The following UBASH3A variants were observed in gnomAD, a reference collection of about 807,000 sequenced individuals.
The protein encoded by UBASH3A is ubiquitin associated and SH3 domain containing A.
UBASH3A carries 63 observed loss-of-function variants against 73.5 expected under a neutral mutation model. That is an observed-to-expected ratio of 0.86 (90% CI 0.70 to 1.06). UBASH3A has a LOEUF of 1.06. UBASH3A is among the 50% of genes least tolerant of loss of function. The pLI is 0.00. For synonymous variants in UBASH3A, 363 were observed against 351.1 expected (o/e 1.03, Z -0.38); for missense variants, 860 against 859.0 (o/e 1.00, Z -0.02).
chr21:42,410,007 C>T (rs1439675788), intron 3 of UBASH3A: 4 of 693,822 alleles, frequency 5.8e-6, no homozygotes, highest in Non-Finnish European at 1.1e-5. Context: ...CCCCCAGAAA[C>T]TAGCACAGCC....
chr21:42,421,161 A>G (rs2053331505), intron 7 of UBASH3A, among the ~76,000 whole-genome samples: 1 of 152,256 alleles, frequency 6.6e-6, no homozygotes, highest in African/African-American at 2.4e-5. Flanking sequence ...GAGAGCAGGC[A>G]GAGGTCAGAG....
Position 42,447,380 on chromosome 21 carries a change from A to G in UBASH3A, c.*186A>G, listed in dbSNP as rs760804945. On this transcript the variant is annotated 3_prime_UTR_variant, in exon 15 of 15. Coordinates refer to ENST00000319294, the MANE Select transcript of UBASH3A (RefSeq NM_018961.4). ...TCGCCTTTGTAACTCCCATCTGTGG[A>G]CCCATCGTCCACCAGCCCAGCTGCG... 6 of 627,076 alleles carry G rather than the reference A, an allele frequency of 9.6e-6. No individual in the cohort carries two copies. Among genetic ancestry groups the G allele is most frequent in the Non-Finnish European group, 1.6e-5 (6 of 385,504 alleles). The allele number at this position is 627,076 out of a possible 1,614,324, so 38.8% of individuals were successfully genotyped here. A position where few individuals can be genotyped will look rare whatever the true frequency, so the allele number is the denominator to read the frequency against.
At chr21:42,407,912 A>G (rs2053011079) in intron 2 of UBASH3A, among the ~76,000 whole-genome samples, 1 of 152,288 alleles carries the variant, frequency 6.6e-6, no homozygotes, top group African/African-American at 2.4e-5. Context: ...ACTATTACAC[A>G]GCCTTTAACA....
intron 2 of UBASH3A, among the ~76,000 whole-genome samples, chr21:42,408,816 G>T (rs748135792): frequency 2.4e-4 from 36 of 151,314 alleles, no homozygotes; most frequent in Non-Finnish European, 4.0e-4. Flanking sequence ...CGGAGAGGTG[G>T]AGGTTGCAGT....
chr21:42,437,490 G>C lies in UBASH3A; in HGVS notation c.1396G>C (p.Asp466His). The C allele has an allele frequency of 6.2e-7, 1 of 1,614,124 alleles. No individual in the cohort carries two copies. The change falls in exon 11 of 15, where the codon GAC (aspartate) becomes CAC (histidine). Residue 466 changes from aspartate (D) to histidine (H), a missense_variant and splice_region_variant. Transcript: ENST00000319294. ...CGIFQSRIAG[D>H]ALLDSGIRIS... is the part of the protein sequence containing the mutation. The stretch of plus-strand genomic sequence containing the variant: ...CTGCCTTTTTCACTATTTTCCAGGG[G>C]ACGCGCTACTGGACAGTGGTATCAG...
intron 10 of UBASH3A, 28 bp downstream of exon 10, chr21:42,434,982 A>C: frequency 6.2e-7 from 1 of 1,612,200 alleles, no homozygotes; most frequent in Non-Finnish European, 8.5e-7. Context: ...CTAGTAGGAA[A>C]GGTAACAATA....
At chr21:42,436,863 G>A (rs1025587985) in intron 10 of UBASH3A, among the ~76,000 whole-genome samples, 5 of 152,196 alleles carry the variant, frequency 3.3e-5, no homozygotes, top group Non-Finnish European at 2.9e-5. Context: ...GTGAAGCCCC[G>A]CCCATTTCTG....
intron 11 of UBASH3A, among the ~76,000 whole-genome samples, chr21:42,438,742 C>G (rs910228154): frequency 6.6e-6 from 1 of 152,026 alleles, no homozygotes. Context: ...TCAAGGTCCA[C>G]GAGGGGGCTG....
intron 13 of UBASH3A, among the ~76,000 whole-genome samples, chr21:42,444,281 G>T (rs373357955): frequency 1.3e-5 from 2 of 152,248 alleles, no homozygotes; most frequent in African/African-American, 2.4e-5. Flanking sequence ...GCGACCACAG[G>T]GGGTGGCTCA....
chr21:42,419,622 G>C (rs557641364), intron 7 of UBASH3A, among the ~76,000 whole-genome samples: 2 of 152,158 alleles, frequency 1.3e-5, no homozygotes, highest in African/African-American at 4.8e-5. Context: ...TTTCTCTGCT[G>C]TGCTACTCAA....
At position 42,442,490 on chromosome 21, in the gene UBASH3A, C is replaced by T. The variant is rs1201364111; in HGVS notation, c.1525C>T (p.Pro509Ser). Residue 509 changes from proline to serine, a missense_variant, in exon 12 of 15, where the codon CCT becomes TCT. Transcript: ENST00000319294. ...GAAAAAAATCAAGATACGAGTGGAA[C>T]CTGGAATCTTTGAATGGACAAAATG... ...LEKKIKIRVE[P>S]GIFEWTKWEA... is the part of the protein sequence containing the mutation. 6.2e-7 allele frequency: 1 copy of T among 1,614,010 alleles called. No homozygotes were observed. Among genetic ancestry groups the T allele is most frequent in the African/African-American group, 1.3e-5 (1 of 74,988 alleles).
intron 8 of UBASH3A, among the ~76,000 whole-genome samples, chr21:42,427,131 G>A (rs952804391): frequency 2.6e-5 from 4 of 152,128 alleles, no homozygotes; most frequent in East Asian, 3.9e-4. Context: ...TCCCCAAGAC[G>A]TCACCTGCCC....
intron 7 of UBASH3A, 83 bp downstream of exon 7, chr21:42,418,692 T>C (rs2053273651): frequency 1.5e-6 from 2 of 1,304,666 alleles, no homozygotes; most frequent in Non-Finnish European, 2.1e-6. Context: ...AGTGTGCTTC[T>C]AGACCATTCC....
intron 3 of UBASH3A, chr21:42,410,428 G>A (rs1450609730): frequency 2.1e-5 from 11 of 523,824 alleles, no homozygotes; most frequent in Admixed American, 1.4e-4. Flanking sequence ...CCAACACCAG[G>A]CCCCTCGGTG....
At chr21:42,417,095 G>A (rs1163661314) in intron 6 of UBASH3A, among the ~76,000 whole-genome samples, 1 of 152,082 alleles carries the variant, frequency 6.6e-6, no homozygotes, top group Non-Finnish European at 1.5e-5. Flanking sequence ...GTGAGTTAGA[G>A]ATGCACAGAC....
At chr21:42,432,584 T>C (rs1037188200) in intron 9 of UBASH3A, among the ~76,000 whole-genome samples, 51 of 152,342 alleles carry the variant, frequency 3.3e-4, no homozygotes, top group African/African-American at 1.1e-3. Context: ...ATGATCAATG[T>C]CCACATCAAT....
chr21:42,429,924 A>C (rs2053499688), intron 8 of UBASH3A, among the ~76,000 whole-genome samples: 1 of 152,000 alleles, frequency 6.6e-6, no homozygotes, highest in Admixed American at 6.5e-5. Flanking sequence ...TGGCTCACCA[A>C]TCCCATAGTT....
intron 8 of UBASH3A, among the ~76,000 whole-genome samples, chr21:42,427,844 G>A (rs934103869): frequency 2.0e-4 from 31 of 152,186 alleles, no homozygotes; most frequent in Admixed American, 4.6e-4. Flanking sequence ...GCTCTGCCGG[G>A]ACTTGTCAGT....
In UBASH3A at chr21:42,437,594, T is replaced by A. The variant is rs115830290; in HGVS notation, c.1486+14T>A. ...TCATCCTGGAAGGTCAGTGAGAACC[T>A]CGGTGAGCCTCTCCTACTGCCTTGA... On this transcript the variant is annotated intron_variant, in intron 11 of 14. Transcript: ENST00000319294. The A allele has an allele frequency of 6.2e-7, 1 of 1,610,878 alleles. No individual in the cohort carries two copies. Among genetic ancestry groups the A allele is most frequent in the Non-Finnish European group, 8.5e-7 (1 of 1,177,068 alleles).
Sources: gnomAD v4.1 joint callset for allele counts (sites outside exome capture counted in the v4.1 genomes callset) on GRCh38, gnomAD v4.1.1 for gene constraint, MANE v1.5 for transcripts, NCBI Gene and HGNC (gene_info 2026-07-23, HGNC 2026-07-21) for gene names.